The following GALNT13 variants were observed in gnomAD, a reference collection of about 807,000 sequenced individuals.
The protein encoded by GALNT13 is UDP-GalNAc:polypeptide N-acetylgalactosaminyltransferase 13.
A neutral mutation model predicts 64.2 loss-of-function variants in GALNT13; 28 were observed. The observed-to-expected ratio is 0.44, with a 90% CI of 0.32 to 0.60. The LOEUF (loss-of-function observed/expected upper bound fraction) is 0.60. Among genes scored for constraint, GALNT13 ranks in the 20% least tolerant of loss-of-function variants. The pLI is 0.05. For synonymous variants in GALNT13, 214 were observed against 224.6 expected, an observed-to-expected ratio of 0.95 and a Z score of 0.42; for missense variants, 577 against 669.8, an observed-to-expected ratio of 0.86 and a Z score of 1.53.
the GALNT13 span, among the ~76,000 whole-genome samples, chr2:153,372,435 C>G: frequency 6.6e-6 from 1 of 152,128 alleles, no homozygotes; most frequent in Non-Finnish European, 1.5e-5. Flanking sequence ...ATCACGATGT[C>G]AAGAGATCGA....
chr2:153,582,289 A>C, the GALNT13 span, among the ~76,000 whole-genome samples: 1 of 152,118 alleles, frequency 6.6e-6, no homozygotes, highest in African/African-American at 2.4e-5. Flanking sequence ...ATTGATGACA[A>C]TCTCAAGAGT....
the GALNT13 span, among the ~76,000 whole-genome samples, chr2:153,317,614 C>A: frequency 6.6e-6 from 1 of 152,032 alleles, no homozygotes; most frequent in Admixed American, 6.6e-5. Context: ...AAGATAATTT[C>A]TTGGTGGAGA....
At chr2:153,588,692 C>T in the GALNT13 span, among the ~76,000 whole-genome samples, 1 of 152,222 alleles carries the variant, frequency 6.6e-6, no homozygotes, top group African/African-American at 2.4e-5. Flanking sequence ...TAACATTTGG[C>T]TCCTTGTTGC....
At chr2:154,249,260 C>T (rs907848192) in intron 7 of GALNT13, among the ~76,000 whole-genome samples, 4 of 152,088 alleles carry the variant, frequency 2.6e-5, no homozygotes, top group Admixed American at 2.6e-4. Context: ...AACTATTGGG[C>T]GCTGTGCTAA....
At chr2:153,668,006 A>T in the GALNT13 span, among the ~76,000 whole-genome samples, 3,733 of 152,294 alleles carry the variant, frequency 0.025, 76 homozygotes, top group Non-Finnish European at 0.038. Flanking sequence ...CAACAAGATC[A>T]AAAAGGACAA....
At chr2:154,415,340 T>C (rs1447270735) in intron 11 of GALNT13, among the ~76,000 whole-genome samples, 2 of 152,050 alleles carry the variant, frequency 1.3e-5, no homozygotes, top group African/African-American at 4.8e-5. Context: ...CCTTTTCCTT[T>C]TAAAGGCAAA....
At chr2:153,727,145 T>C in the GALNT13 span, among the ~76,000 whole-genome samples, 80 of 152,216 alleles carry the variant, frequency 5.3e-4, no homozygotes, top group African/African-American at 1.9e-3. Flanking sequence ...CAAGCTTACC[T>C]TTTTTGGAAA....
chr2:153,588,900 G>T, the GALNT13 span, among the ~76,000 whole-genome samples: 2 of 152,272 alleles, frequency 1.3e-5, no homozygotes, highest in South Asian at 2.1e-4. Context: ...GGGCATGGTG[G>T]CTAACGCCTG....
chr2:153,249,311 A>C, the GALNT13 span, among the ~76,000 whole-genome samples: 1 of 152,334 alleles, frequency 6.6e-6, no homozygotes, highest in South Asian at 2.1e-4. Flanking sequence ...AAGGAATACA[A>C]CTTATAAGGG....
the GALNT13 span, among the ~76,000 whole-genome samples, chr2:153,648,496 C>T: frequency 1.3e-5 from 2 of 152,132 alleles, no homozygotes; most frequent in Non-Finnish European, 2.9e-5. Context: ...GAACTTCCAA[C>T]ACTATGTTGA....
chr2:153,791,194 A>G, the GALNT13 span, among the ~76,000 whole-genome samples: 12 of 152,190 alleles, frequency 7.9e-5, no homozygotes, highest in Admixed American at 3.9e-4. Context: ...AAACAACCCC[A>G]TTAAAGTGTG....
chr2:154,114,603 G>A (rs754731140), intron 3 of GALNT13, among the ~76,000 whole-genome samples: 1 of 152,086 alleles, frequency 6.6e-6, no homozygotes, highest in Non-Finnish European at 1.5e-5. Context: ...AAGGGGACCG[G>A]GACTCCCCTT....
At chr2:153,566,521 A>G in the GALNT13 span, among the ~76,000 whole-genome samples, 1 of 151,692 alleles carries the variant, frequency 6.6e-6, no homozygotes, top group Non-Finnish European at 1.5e-5. Flanking sequence ...CGCCCGGCTA[A>G]TTTTTTCTAT....
At chr2:153,116,651 T>C in the GALNT13 span, among the ~76,000 whole-genome samples, 1 of 152,126 alleles carries the variant, frequency 6.6e-6, no homozygotes, top group Non-Finnish European at 1.5e-5. Flanking sequence ...ATTTAGTACA[T>C]TAAAATAGGA....
At chr2:153,746,692 A>G in the GALNT13 span, among the ~76,000 whole-genome samples, 2 of 152,106 alleles carry the variant, frequency 1.3e-5, no homozygotes, top group African/African-American at 2.4e-5. Context: ...ATTTTAGTGG[A>G]AGCTGCCAAA....
At chr2:153,174,934 A>G in the GALNT13 span, among the ~76,000 whole-genome samples, 1 of 152,160 alleles carries the variant, frequency 6.6e-6, no homozygotes, top group Non-Finnish European at 1.5e-5. Flanking sequence ...GGTATTTGTT[A>G]CAGCAGCACC....
the GALNT13 span, among the ~76,000 whole-genome samples, chr2:153,199,801 G>A: frequency 6.6e-6 from 1 of 152,142 alleles, no homozygotes; most frequent in East Asian, 1.9e-4. Flanking sequence ...TTCATTTATA[G>A]GCATATCAAA....
the GALNT13 span, among the ~76,000 whole-genome samples, chr2:153,117,221 A>G: frequency 1.3e-5 from 2 of 152,192 alleles, no homozygotes; most frequent in African/African-American, 2.4e-5. Context: ...GAAAGTCTTC[A>G]TTAACAGTAA....
chr2:153,204,798 C>A, the GALNT13 span, among the ~76,000 whole-genome samples: 9 of 152,070 alleles, frequency 5.9e-5, no homozygotes, highest in African/African-American at 1.2e-4. Flanking sequence ...AGTCAACTAT[C>A]TATACATGCT....
Sources: gnomAD v4.1 joint callset for allele counts (sites outside exome capture counted in the v4.1 genomes callset) on GRCh38, gnomAD v4.1.1 for gene constraint, MANE v1.5 for transcripts, NCBI Gene and HGNC (gene_info 2026-07-23, HGNC 2026-07-21) for gene names.